Variants in TM4SF19 observed in about 807,000 individuals in gnomAD.
TM4SF19 encodes transmembrane 4 L6 family member 19.
Under a neutral mutation model 21.8 loss-of-function variants are expected in TM4SF19, and 17 were observed. The ratio of observed to expected loss-of-function variants is 0.78; its 90% CI spans 0.53 to 1.17. The LOEUF (loss-of-function observed/expected upper bound fraction) is 1.17. Among genes scored for constraint, TM4SF19 ranks in the 50% most tolerant of loss-of-function variants. The pLI is 0.00. For missense variants in TM4SF19, 216 were observed against 252.1 expected, an observed-to-expected ratio of 0.86 and a Z score of 0.97; for synonymous variants, 107 against 106.7, an observed-to-expected ratio of 1.00 and a Z score of -0.02.
chr3:196,324,169 A>C, intron 4 of TM4SF19, 102 bp downstream of exon 4: 1 of 1,474,698 alleles, frequency 6.8e-7, no homozygotes, highest in Non-Finnish European at 9.4e-7. Context: ...GCAAGATGCT[A>C]GGATGTGTGA....
chr3:196,335,839 G>A (rs1345057500), intron 1 of TM4SF19, among the ~76,000 whole-genome samples: 1 of 152,000 alleles, frequency 6.6e-6, no homozygotes, highest in Non-Finnish European at 1.5e-5. Context: ...GTAATTCTGT[G>A]TTGAGGCAAA....
At chr3:196,327,084 T>G (rs774925062) in intron 2 of TM4SF19, 52 bp from the exon 3 acceptor site, 18 of 1,462,462 alleles carry the variant, frequency 1.2e-5, no homozygotes, top group Non-Finnish European at 1.7e-5. Flanking sequence ...TGCCGGCTGT[T>G]TCTAGGTGCT....
At position 196,334,371 on chromosome 3, in the gene TM4SF19, TTTTC is replaced by T. The variant is rs574764107; in HGVS notation, c.-2+3889_-2+3892del. On this transcript the variant is annotated intron_variant, in intron 1 of 4. Coordinates refer to ENST00000273695, the MANE Select transcript of TM4SF19 (RefSeq NM_138461.4). ...CCATTTTTCAAGACTGTAGCTTTTC[TTTTC>T]TTTTTCTTTTTTTTTTTGAGATGGA... Among the ~76,000 whole-genome samples the T allele has an allele frequency of 7.3e-5, 11 of 150,022 alleles. 1 individual carries two copies. The highest frequency in any genetic ancestry group is 4.0e-4 in the Admixed American group (6 of 15,066).
chr3:196,324,042 G>A (rs2108804242), intron 4 of TM4SF19, 45 bp from the exon 5 acceptor site: 2 of 1,602,190 alleles, frequency 1.2e-6, no homozygotes, highest in South Asian at 1.1e-5. Flanking sequence ...GATAAGTAAG[G>A]AAAGCCAAAC....
At chr3:196,331,699 A>C (rs1234002801) in intron 1 of TM4SF19, among the ~76,000 whole-genome samples, 2 of 152,038 alleles carry the variant, frequency 1.3e-5, no homozygotes, top group African/African-American at 4.8e-5. Flanking sequence ...AGGCAGGAGA[A>C]TCACTTGAAC....
intron 1 of TM4SF19, among the ~76,000 whole-genome samples, chr3:196,335,539 T>G (rs1727720880): frequency 1.5e-5 from 2 of 130,882 alleles, no homozygotes; most frequent in African/African-American, 3.0e-5. Flanking sequence ...CCTGAGAGGG[T>G]GGGCGTAGGA....
At chr3:196,326,885 A>G in intron 3 of TM4SF19, 70 bp downstream of exon 3, 1 of 1,414,596 alleles carries the variant, frequency 7.1e-7, no homozygotes, top group Non-Finnish European at 9.9e-7. Context: ...TTGCCTCTTT[A>G]CCGCCCTGCC....
Position 196,326,956 on chromosome 3 carries a change from C to T in TM4SF19, c.278G>A (p.Ser93Asn). Reference sequence around the variant, plus strand: ...AGAAGAGTGGAATCTGGTGCTTACGCTTCGACAGAGCCCACTCTTACTGAA... The same window carrying T: ...AGAAGAGTGGAATCTGGTGCTTACGTTTCGACAGAGCCCACTCTTACTGAA... ...GCFSKSGLCR[S>N]VLTALLSGGL... The change falls in exon 3 of 5, where the codon AGC becomes AAC. Residue 93 changes from serine to asparagine, a missense_variant and splice_region_variant. Ser to Asn is a conservative substitution (Grantham distance 46, BLOSUM62 1). Coordinates refer to ENST00000273695, the MANE Select transcript of TM4SF19 (RefSeq NM_138461.4). The T allele has an allele frequency of 6.2e-7, 1 of 1,609,558 alleles. No homozygotes were observed. Among genetic ancestry groups the T allele is most frequent in the South Asian group, 1.1e-5 (1 of 90,954 alleles).
At chr3:196,324,072 C>G (rs2108804268) in intron 4 of TM4SF19, 75 bp from the exon 5 acceptor site, 2 of 1,559,792 alleles carry the variant, frequency 1.3e-6, no homozygotes, top group South Asian at 2.3e-5. Flanking sequence ...CAGTAGAAAA[C>G]TGGGGTCTCC....
At chr3:196,328,775 G>T (rs1727402700) in intron 1 of TM4SF19, among the ~76,000 whole-genome samples, 2 of 152,142 alleles carry the variant, frequency 1.3e-5, no homozygotes, top group South Asian at 4.1e-4. Context: ...CAATTGTGAA[G>T]ATTAGCCAAA....
chr3:196,327,169 T>C (rs189156521), intron 2 of TM4SF19, 137 bp from the exon 3 acceptor site: 2 of 807,154 alleles, frequency 2.5e-6, no homozygotes, highest in Non-Finnish European at 4.0e-6. Flanking sequence ...GACCCACATT[T>C]GTATGACGAG....
At chr3:196,326,679 TCTCACACTGGTACAGACGTCTGGGTC>T (rs1212036279) in intron 3 of TM4SF19, among the ~76,000 whole-genome samples, 8 of 152,202 alleles carry the variant, frequency 5.3e-5, no homozygotes, top group South Asian at 4.1e-4. Flanking sequence ...AGTAACAGTT[TCTCACACTGGTACAGACGTCTGGGTC>T]CTCACACTGG....
At position 196,324,300 on chromosome 3, in the gene TM4SF19, A is replaced by G. The variant is rs773920963; in HGVS notation, c.420T>C (p.Tyr140=). ...SSFNQTQAWK[Y]GYPFKDLHSR... ...TATGCAGGTCTTTGAATGGGTAACC[A>G]TATTTCCAAGCTTGTGTCTGATTGA... is the stretch of plus-strand genomic sequence containing the variant. Residue 140 remains tyrosine, a synonymous_variant, in exon 4 of 5, where the codon TAT becomes TAC. Transcript: ENST00000273695. 2.5e-6 allele frequency: 4 copies of G among 1,614,176 alleles called. No homozygotes were observed. The South Asian group carries it at 3.3e-5, about 13-fold the overall frequency.
chr3:196,325,271 C>T lies in TM4SF19; in HGVS notation c.280-831G>A, dbSNP rs1727242350. ...AGGCTGGAGTGCAGTGGCACGATCT[C>T]AGCTCACTGCAACCTCTGCCTCTGA... On this transcript the variant is annotated intron_variant, in intron 3 of 4. Transcript: ENST00000273695. This position sits in a 1 kb window ranked among gnomAD's most constrained non-coding sequence, Gnocchi z 4.3. 6.6e-6 allele frequency: 1 copy of T among 152,322 alleles called. No homozygotes were observed. The highest frequency in any genetic ancestry group is 1.5e-5 in the Non-Finnish European group (1 of 68,172). 9.4% of individuals were successfully genotyped at this position (152,322 alleles called of 1,614,324 possible). A position where few individuals can be genotyped will look rare whatever the true frequency, so the allele number is the denominator to read the frequency against.
At chr3:196,327,249 CT>C in intron 2 of TM4SF19, 140 bp downstream of exon 2, 1 of 903,420 alleles carries the variant, frequency 1.1e-6, no homozygotes, top group Non-Finnish European at 1.7e-6. Context: ...CTTCCTGTCT[CT>C]TAGAGCTTCT....
chr3:196,335,580 G>T lies in TM4SF19; in HGVS notation c.-2+2684C>A, dbSNP rs558914182. ...AGCAACAGTGACTCCTACCCCAGGG[G>T]CCCAAGGGTCCTGGGGCAGGGTGGG... On this transcript the variant is annotated intron_variant, in intron 1 of 4. Coordinates refer to ENST00000273695, the MANE Select transcript of TM4SF19 (RefSeq NM_138461.4). Among the ~76,000 whole-genome samples, 4 of 151,572 alleles carry T rather than the reference G, an allele frequency of 2.6e-5. No homozygotes were observed. In the East Asian group the frequency reaches 7.8e-4, roughly 29 times the overall value.
chr3:196,334,465 T>G (rs78461399), intron 1 of TM4SF19, among the ~76,000 whole-genome samples: 1 of 151,850 alleles, frequency 6.6e-6, no homozygotes, highest in Admixed American at 6.6e-5. Context: ...TAATTTTTTT[T>G]TTTCTTGAGA....
chr3:196,327,570 C>A lies in TM4SF19; in HGVS notation c.21G>T (p.Thr7=). MVSSPC[T]QASSRTCSRI... ...GGGAGCAAGTCCGTGAGCTTGCCTG[C>A]GTGCAGGGAGAGGACACCATCCTGG... Residue 7 remains threonine (T), a synonymous_variant, in exon 2 of 5, where the codon ACG becomes ACT. Coordinates refer to ENST00000273695, the MANE Select transcript of TM4SF19 (RefSeq NM_138461.4). 6.2e-7 allele frequency: 1 copy of A among 1,613,600 alleles called. No individual in the cohort carries two copies. The highest frequency in any genetic ancestry group is 8.5e-7 in the Non-Finnish European group (1 of 1,179,962).
intron 1 of TM4SF19, among the ~76,000 whole-genome samples, chr3:196,328,768 T>C (rs947307273): frequency 6.6e-6 from 1 of 152,156 alleles, no homozygotes; most frequent in Non-Finnish European, 1.5e-5. Context: ...TGCAAAGCAA[T>C]TGTGAAGATT....
Sources: gnomAD v4.1 joint callset for allele counts (sites outside exome capture counted in the v4.1 genomes callset) on GRCh38, gnomAD v4.1.1 for gene constraint, Gnocchi (gnomAD v3.1) non-coding constraint, MANE v1.5 for transcripts, NCBI Gene and HGNC (gene_info 2026-07-23, HGNC 2026-07-21) for gene names.